SIK2: variants seen among roughly 807,000 people sequenced by gnomAD.
SIK2 encodes salt inducible kinase 2, also known as serine/threonine-protein kinase SIK2.
A neutral mutation model predicts 103.2 loss-of-function variants in SIK2; 29 were observed. That is an observed-to-expected ratio of 0.28 (90% CI 0.21 to 0.38). The LOEUF is 0.38. Among genes scored for constraint, SIK2 ranks in the 10% least tolerant of loss-of-function variants. The pLI is 1.00. For missense variants in SIK2, 879 were observed against 1,171.0 expected, an observed-to-expected ratio of 0.75 and a Z score of 3.64; for synonymous variants, 412 against 446.1, an observed-to-expected ratio of 0.92 and a Z score of 0.96.
intron 3 of SIK2, among the ~76,000 whole-genome samples, chr11:111,678,895 T>C (rs1243520832): frequency 1.3e-5 from 2 of 152,116 alleles, no homozygotes; most frequent in African/African-American, 4.8e-5. Flanking sequence ...AAGGTATGAC[T>C]CTCCCAGCAA....
chr11:111,612,510 C>G (rs140201768), intron 1 of SIK2, among the ~76,000 whole-genome samples: 1 of 152,086 alleles, frequency 6.6e-6, no homozygotes, highest in Non-Finnish European at 1.5e-5. Context: ...TCTATGCCAC[C>G]CTTGCATTTA....
chr11:111,688,259 T>G lies in SIK2; in HGVS notation c.478+97T>G. On this transcript the variant is annotated intron_variant, in intron 4 of 14. Coordinates refer to ENST00000304987, the MANE Select transcript of SIK2 (RefSeq NM_015191.3). The surrounding 1 kb of genome is among the most constrained non-coding windows in gnomAD (Gnocchi z 4.2). Reference sequence around the variant, plus strand: ...GCAGGCGCAGATTCAGCAGCATTTCTACCTGATGACATCAGGCTATCTCAA... The same window carrying G: ...GCAGGCGCAGATTCAGCAGCATTTCGACCTGATGACATCAGGCTATCTCAA... 8.1e-7 allele frequency: 1 copy of G among 1,234,070 alleles called. No individual in the cohort carries two copies. 76.4% of individuals were successfully genotyped at this position (1,234,070 alleles called of 1,614,324 possible).
At chr11:111,723,383 CAT>C in intron 14 of SIK2, 111 bp from the exon 15 acceptor site, 1 of 1,188,562 alleles carries the variant, frequency 8.4e-7, no homozygotes, top group Non-Finnish European at 1.2e-6. Context: ...TTTTTGCTGA[CAT>C]GAGAGAGACT....
chr11:111,662,476 C>T (rs1056039940), intron 3 of SIK2, among the ~76,000 whole-genome samples: 5 of 152,014 alleles, frequency 3.3e-5, no homozygotes, highest in South Asian at 2.1e-4. Context: ...GGGCCAGGTG[C>T]GGTGGCTCAC....
intron 12 of SIK2, 41 bp from the exon 13 acceptor site, chr11:111,721,789 C>T (rs758374131): frequency 2.6e-6 from 4 of 1,516,642 alleles, no homozygotes; most frequent in Non-Finnish European, 3.6e-6. Context: ...CGTTTTTCCC[C>T]ATGGGGAATT....
intron 3 of SIK2, among the ~76,000 whole-genome samples, chr11:111,651,072 T>C (rs908435017): frequency 6.6e-6 from 1 of 152,206 alleles, no homozygotes; most frequent in African/African-American, 2.4e-5. Context: ...AAGCTACATA[T>C]TCTTTACTGA....
Position 111,625,174 on chromosome 11 carries a change from C to G in SIK2, c.316+4772C>G, listed in dbSNP as rs142692918. 8.4e-3 allele frequency among the ~76,000 whole-genome samples: 1,274 copies of G among 152,192 alleles called. 7 individuals are homozygous for G. The highest frequency in any genetic ancestry group is 0.014 in the Non-Finnish European group (933 of 68,002). On this transcript the variant is annotated intron_variant, in intron 3 of 14. Transcript: ENST00000304987. The stretch of plus-strand genomic sequence containing the variant: ...TCTTACATGAATAAAATTAGGGAAC[C>G]ATTTTCGGCTGGATTTCAGCACAGA...
chr11:111,623,483 CT>C (rs1236596687), intron 3 of SIK2, among the ~76,000 whole-genome samples: 3 of 152,152 alleles, frequency 2.0e-5, no homozygotes, highest in African/African-American at 7.2e-5. Flanking sequence ...TTTTGTGTTA[CT>C]TTAGGTTTTC....
intron 3 of SIK2, among the ~76,000 whole-genome samples, chr11:111,660,899 G>C (rs1448380168): frequency 7.9e-6 from 1 of 127,098 alleles, no homozygotes; most frequent in East Asian, 2.2e-4. Context: ...AGGTCACACT[G>C]TAGTTTCCCA....
chr11:111,711,558 G>GTAGCTTGCAGTAAGCT (rs1943498022), intron 8 of SIK2, among the ~76,000 whole-genome samples: 1 of 152,116 alleles, frequency 6.6e-6, no homozygotes, highest in African/African-American at 2.4e-5. Context: ...TGCAGTAAGC[G>GTAGCTTGCAGTAAGCT]TAGCTTGCAG....
intron 3 of SIK2, among the ~76,000 whole-genome samples, chr11:111,669,135 C>G (rs1362363270): frequency 6.6e-6 from 1 of 152,186 alleles, no homozygotes; most frequent in Non-Finnish European, 1.5e-5. Context: ...CTATGACTCA[C>G]ATGGTCCTTT....
chr11:111,609,382 C>G (rs547291890), intron 1 of SIK2, among the ~76,000 whole-genome samples: 1 of 151,856 alleles, frequency 6.6e-6, no homozygotes, highest in Non-Finnish European at 1.5e-5. Flanking sequence ...AGTACAGTTG[C>G]GAGATTACAC....
At chr11:111,605,062 G>A (rs773020780) in intron 1 of SIK2, among the ~76,000 whole-genome samples, 11 of 151,036 alleles carry the variant, frequency 7.3e-5, no homozygotes, top group Non-Finnish European at 4.4e-5. Flanking sequence ...TCCTGGGTTC[G>A]AGCGATTCTC....
intron 1 of SIK2, among the ~76,000 whole-genome samples, chr11:111,604,868 ATAT>A (rs567999188): frequency 1.2e-4 from 19 of 152,180 alleles, no homozygotes; most frequent in African/African-American, 4.3e-4. Context: ...GTGATTGGAG[ATAT>A]TAAGGTAGAG....
chr11:111,671,055 G>A (rs1330847903), intron 3 of SIK2: 2 of 160,764 alleles, frequency 1.2e-5, no homozygotes, highest in East Asian at 1.9e-4. Flanking sequence ...AGCTGAAGGA[G>A]CCGGAACCCC....
chr11:111,648,779 T>C (rs1451403431), intron 3 of SIK2, among the ~76,000 whole-genome samples: 2 of 152,180 alleles, frequency 1.3e-5, no homozygotes. Flanking sequence ...TCTTGTGTTT[T>C]AAATTTTTTC....
intron 1 of SIK2, 145 bp from the exon 2 acceptor site, chr11:111,616,098 G>C (rs900840464): frequency 3.4e-6 from 2 of 593,542 alleles, no homozygotes; most frequent in African/African-American, 1.9e-5. Context: ...AATATTTGTT[G>C]AATGAATGAA....
intron 4 of SIK2, among the ~76,000 whole-genome samples, chr11:111,698,558 A>G (rs1038142709): frequency 1.3e-5 from 2 of 152,222 alleles, no homozygotes; most frequent in African/African-American, 4.8e-5. Flanking sequence ...CCTGGGAAAC[A>G]TGGCAAATCC....
intron 9 of SIK2, among the ~76,000 whole-genome samples, chr11:111,715,542 C>G (rs1409448199): frequency 1.3e-5 from 2 of 152,114 alleles, no homozygotes; most frequent in East Asian, 3.8e-4. Flanking sequence ...AGTAAAATCC[C>G]TTGGGGAGTC....
Sources: allele counts gnomAD v4.1 joint callset (sites outside exome capture counted in the v4.1 genomes callset), GRCh38; gene constraint gnomAD v4.1.1; non-coding constraint Gnocchi (gnomAD v3.1); transcripts MANE v1.5; gene names NCBI Gene and HGNC (gene_info 2026-07-23, HGNC 2026-07-21).